Variants in AQR observed in about 807,000 individuals in gnomAD.
The protein encoded by AQR is aquarius intron-binding spliceosomal factor.
In AQR, 61 loss-of-function variants were observed where a neutral mutation model predicts 180.5. The observed-to-expected ratio is 0.34, with a 90% CI of 0.28 to 0.42. The LOEUF (loss-of-function observed/expected upper bound fraction) is 0.42, where lower values mean the gene tolerates loss of function less well. Ranked by LOEUF, AQR falls within the 10% of genes least tolerant of loss-of-function variation. AQR has a pLI of 1.00. For synonymous variants in AQR, 551 were observed against 588.8 expected (o/e 0.94, Z 0.93); for missense variants, 1,281 against 1,798.3 (o/e 0.71, Z 5.20).
chr15:34,882,465 T>TAAAAAAAAAAAAAAAAAAA lies in AQR; in HGVS notation c.3165+18_3165+36dup, dbSNP rs34949352. 4.7e-5 allele frequency: 56 copies of TAAAAAAAAAAAAAAAAAAA among 1,200,406 alleles called. 1 individual carries two copies. In the African/African-American group the frequency reaches 8.1e-4, roughly 17 times the overall value. The allele number at this position is 1,200,406 out of a possible 1,614,324, so 74.4% of individuals were successfully genotyped here. ...GAAGTGAGCCAATCTCTGATAATCT[T>TAAAAAAAAAAAAAAAAAAA]AAAAAAAAAAAAAAAAAAACTACCA... On this transcript the variant is annotated intron_variant, in intron 27 of 34. Transcript: ENST00000156471.
At chr15:34,922,367 C>T (rs1893696340) in intron 13 of AQR, among the ~76,000 whole-genome samples, 1 of 152,022 alleles carries the variant, frequency 6.6e-6, no homozygotes, top group Admixed American at 6.6e-5. Flanking sequence ...TAAGTTTTCA[C>T]TTTTCTTGAA....
At chr15:34,898,038 C>G (rs968614362) in intron 20 of AQR, among the ~76,000 whole-genome samples, 3 of 152,090 alleles carry the variant, frequency 2.0e-5, no homozygotes, top group African/African-American at 7.2e-5. Context: ...CAGATGGCAT[C>G]TAAGATGAGT....
chr15:34,877,363 G>A (rs760795335), intron 27 of AQR, among the ~76,000 whole-genome samples: 1 of 152,176 alleles, frequency 6.6e-6, no homozygotes, highest in Non-Finnish European at 1.5e-5. Flanking sequence ...CCAGGGAGGT[G>A]GGAGATGGGG....
At chr15:34,956,548 A>T (rs1261102187) in intron 3 of AQR, among the ~76,000 whole-genome samples, 2 of 152,102 alleles carry the variant, frequency 1.3e-5, no homozygotes, top group Non-Finnish European at 2.9e-5. Flanking sequence ...GCTACTCAGG[A>T]GGCTGAGGCA....
Position 34,860,143 on chromosome 15 carries a change from G to A in AQR, c.4042C>T (p.Pro1348Ser). 1 of 1,498,766 alleles carries A rather than the reference G, an allele frequency of 6.7e-7. No individual in the cohort carries two copies. Among genetic ancestry groups the A allele is most frequent in the Non-Finnish European group, 9.0e-7 (1 of 1,111,766 alleles). 92.8% of individuals were successfully genotyped at this position (1,498,766 alleles called of 1,614,324 possible). A position where few individuals can be genotyped will look rare whatever the true frequency, so the allele number is the denominator to read the frequency against. The change falls in exon 34 of 35, where the codon CCA becomes TCA. Residue 1348 changes from proline to serine, a missense_variant. Physicochemically the swap from Pro to Ser is moderately conservative, Grantham distance 74. Around this residue, in one of 9 missense-constraint regions of AQR, gnomAD observed 182 missense variants for 185.3 expected, o/e 0.98. Transcript: ENST00000156471. Reference protein sequence around the residue: ...FPTTRKNGERPSHEVQIIKNM... With the variant: ...FPTTRKNGERSSHEVQIIKNM... ...TTTATTATTTGTACTTCATGAGATGGTCTCTCTCCATTCTAGAAGAAGGAA... is the reference window on the plus strand; with the variant it reads ...TTTATTATTTGTACTTCATGAGATGATCTCTCTCCATTCTAGAAGAAGGAA...
At chr15:34,932,127 A>G (rs560128105) in intron 11 of AQR, among the ~76,000 whole-genome samples, 191 bp downstream of exon 11, 2 of 152,346 alleles carry the variant, frequency 1.3e-5, no homozygotes, top group African/African-American at 2.4e-5. Context: ...TAAAAATCAT[A>G]CATAATTAAC....
chr15:34,900,841 T>C lies in AQR; in HGVS notation c.2024A>G (p.Asn675Ser), dbSNP rs752870203. 1.2e-6 allele frequency: 2 copies of C among 1,608,856 alleles called. No individual in the cohort carries two copies. Among genetic ancestry groups the C allele is most frequent in the South Asian group, 2.2e-5 (2 of 90,506 alleles). ...NFKAVLETIR[N>S]LMNTDCVVPD... ...TACCACACAATCAGTATTCATCAGGTTCCGAATAGTCTCCAGCACAGCCTG... is the reference window on the plus strand; with the variant it reads ...TACCACACAATCAGTATTCATCAGGCTCCGAATAGTCTCCAGCACAGCCTG... Residue 675 changes from asparagine to serine, a missense_variant, in exon 20 of 35, where the codon AAC (asparagine) becomes AGC (serine). Around this residue, in one of 9 missense-constraint regions of AQR, gnomAD observed 28 missense variants for 75.3 expected, o/e 0.37. Transcript: ENST00000156471.
chr15:34,852,566 ATT>A lies in AQR; in HGVS notation c.*4224_*4225del, dbSNP rs1566976155. ...TTCTAAGGAAATAGCTACCTATCTTATTAAAAAAAAACAAAAACAAAGTTTTA... is the reference window on the plus strand; with the variant it reads ...TTCTAAGGAAATAGCTACCTATCTTAAAAAAAAAACAAAAACAAAGTTTTA... On this transcript the variant is annotated 3_prime_UTR_variant, in exon 35 of 35. Transcript: ENST00000156471. 8.5e-6 allele frequency: 1 copy of A among 118,296 alleles called. No homozygotes were observed. The highest frequency in any genetic ancestry group is 2.2e-5 in the Non-Finnish European group (1 of 45,162). 7.3% of individuals were successfully genotyped at this position (118,296 alleles called of 1,614,324 possible).
At chr15:34,904,315 A>G in intron 19 of AQR, 21 bp downstream of exon 19, 1 of 1,523,460 alleles carries the variant, frequency 6.6e-7, no homozygotes, top group Non-Finnish European at 8.9e-7. Flanking sequence ...TAGTACTTTT[A>G]GTTACATACC....
At chr15:34,954,325 G>A (rs1214966870) in intron 3 of AQR, among the ~76,000 whole-genome samples, 1 of 148,770 alleles carries the variant, frequency 6.7e-6, no homozygotes, top group African/African-American at 2.5e-5. Context: ...TTTTTTTTCT[G>A]AGGCAGAGCT....
At chr15:34,952,175 G>C (rs1368177549) in intron 4 of AQR, among the ~76,000 whole-genome samples, 1 of 152,094 alleles carries the variant, frequency 6.6e-6, no homozygotes, top group Non-Finnish European at 1.5e-5. Flanking sequence ...TAGAGAAGTG[G>C]AAAACCATGA....
chr15:34,907,501 C>T (rs1168309463), intron 17 of AQR, among the ~76,000 whole-genome samples: 1 of 152,182 alleles, frequency 6.6e-6, no homozygotes, highest in East Asian at 1.9e-4. Context: ...TAAATGTAAA[C>T]AGTCTGCTTG....
At chr15:34,880,131 A>G (rs528907568) in intron 27 of AQR, among the ~76,000 whole-genome samples, 24 of 152,326 alleles carry the variant, frequency 1.6e-4, no homozygotes, top group African/African-American at 5.3e-4. Flanking sequence ...GACAGAGAAA[A>G]CGGAACAATT....
intron 2 of AQR, among the ~76,000 whole-genome samples, chr15:34,963,661 C>CTTTTTTTTTCTTT (rs1566793151): frequency 2.4e-4 from 35 of 148,670 alleles, no homozygotes; most frequent in African/African-American, 8.6e-4. Flanking sequence ...TACACGTACA[C>CTTTTTTTTTCTTT]TTTTTTTTTT....
At position 34,904,321 on chromosome 15, in the gene AQR, A is replaced by G. The variant is rs890374831; in HGVS notation, c.2001+15T>C. On this transcript the variant is annotated intron_variant, in intron 19 of 34. Transcript: ENST00000156471. ...ATTATGACATAGTACTTTTAGTTAC[A>G]TACCCCCAAATTACCTTAAAGTTAT... 5 of 1,545,768 alleles carry G rather than the reference A, an allele frequency of 3.2e-6. No homozygotes were observed. In the African/African-American group the frequency reaches 6.9e-5, roughly 21 times the overall value.
chr15:34,875,973 T>C lies in AQR; in HGVS notation c.3199A>G (p.Ile1067Val). 2 of 1,612,054 alleles carry C rather than the reference T, an allele frequency of 1.2e-6. No homozygotes were observed. The highest frequency in any genetic ancestry group is 1.7e-6 in the Non-Finnish European group (2 of 1,178,812). Residue 1067 changes from isoleucine to valine, a missense_variant, in exon 28 of 35, where the codon ATT (isoleucine) becomes GTT (valine). By Grantham distance (29) the Ile-to-Val change is conservative. Transcript: ENST00000156471. The stretch of plus-strand genomic sequence containing the variant: ...GGGATAAAAGTTTCTATCTCCAGAA[T>C]CTGAGCAGCCTCTTCCATCAAAATG... Reference protein sequence around the residue: ...DNILMEEAAQILEIETFIPLL... With the variant: ...DNILMEEAAQVLEIETFIPLL...
At chr15:34,874,613 A>G (rs1892866298) in intron 29 of AQR, 64 bp downstream of exon 29, 3 of 1,582,070 alleles carry the variant, frequency 1.9e-6, no homozygotes, top group Non-Finnish European at 1.7e-6. Flanking sequence ...AGCTATTCAC[A>G]AATACTTGGA....
At chr15:34,883,253 C>T (rs1259082815) in intron 26 of AQR, among the ~76,000 whole-genome samples, 1 of 152,106 alleles carries the variant, frequency 6.6e-6, no homozygotes, top group Non-Finnish European at 1.5e-5. Context: ...AGCAAGAAGT[C>T]AGCTGACATA....
At chr15:34,931,226 C>A (rs937663473) in intron 11 of AQR, among the ~76,000 whole-genome samples, 1 of 152,118 alleles carries the variant, frequency 6.6e-6, no homozygotes, top group East Asian at 1.9e-4. Context: ...GGCTTAGTTT[C>A]TCTTGCTAAC....
Sources: allele counts gnomAD v4.1 joint callset (sites outside exome capture counted in the v4.1 genomes callset), GRCh38; gene constraint gnomAD v4.1.1; regional missense constraint gnomAD v4.1.1; transcripts MANE v1.5; gene names NCBI Gene and HGNC (gene_info 2026-07-23, HGNC 2026-07-21).